TJP1: variants seen among roughly 807,000 people sequenced by gnomAD.
TJP1 encodes tight junction protein 1.
A neutral mutation model predicts 194.2 loss-of-function variants in TJP1; 43 were observed. The ratio of observed to expected loss-of-function variants is 0.22; its 90% CI spans 0.17 to 0.29. The LOEUF (loss-of-function observed/expected upper bound fraction) is 0.29, where lower values mean the gene tolerates loss of function less well. TJP1 is among the 10% of genes least tolerant of loss of function. The pLI, the probability that TJP1 is intolerant of heterozygous loss-of-function variation, is 1.00. For synonymous variants in TJP1, 801 were observed against 779.0 expected (o/e 1.03, Z -0.47); for missense variants, 1,971 against 2,185.7 (o/e 0.90, Z 1.96).
At chr15:29,726,504 T>G (rs2043246700) in intron 17 of TJP1, 25 bp from the exon 18 acceptor site, 6 of 1,608,376 alleles carry the variant, frequency 3.7e-6, no homozygotes, top group Non-Finnish European at 5.1e-6. Flanking sequence ...ACGATGTAGT[T>G]TTATGGTTAG....
At chr15:29,751,415 TGTGTTTG>T in intron 8 of TJP1, among the ~76,000 whole-genome samples, 1 of 152,248 alleles carries the variant, frequency 6.6e-6, no homozygotes, top group Non-Finnish European at 1.5e-5. Flanking sequence ...TTTAGATGTA[TGTGTTTG>T]TGGAGCTTAT....
At chr15:29,768,850 T>C (rs1249230076) in intron 4 of TJP1, among the ~76,000 whole-genome samples, 2 of 152,170 alleles carry the variant, frequency 1.3e-5, no homozygotes, top group Non-Finnish European at 2.9e-5. Context: ...AAAAAATGCC[T>C]ACTTCAAAAT....
At chr15:29,849,138 TGAATAA>T (rs2051535569) in intron 2 of TJP1, among the ~76,000 whole-genome samples, 1 of 152,166 alleles carries the variant, frequency 6.6e-6, no homozygotes, top group Admixed American at 6.5e-5. Flanking sequence ...TAGGTTTTGT[TGAATAA>T]CTAGTAGGCT....
chr15:29,892,889 A>G (rs996243933), intron 2 of TJP1, among the ~76,000 whole-genome samples: 6 of 152,246 alleles, frequency 3.9e-5, no homozygotes, highest in Non-Finnish European at 5.9e-5. Context: ...AGCCCAGCCC[A>G]TAGATTAAGG....
chr15:29,723,670 ATTAT>A, intron 18 of TJP1, among the ~76,000 whole-genome samples: 1 of 152,228 alleles, frequency 6.6e-6, no homozygotes, highest in East Asian at 1.9e-4. Flanking sequence ...TTAAGAAGAA[ATTAT>A]TTATTATTTT....
chr15:29,828,920 G>GT (rs748513736), intron 2 of TJP1, among the ~76,000 whole-genome samples: 8 of 151,870 alleles, frequency 5.3e-5, no homozygotes, highest in Middle Eastern at 3.4e-3. Context: ...TTGTTTGTTT[G>GT]TTTGGTATTT....
intron 1 of TJP1, chr15:29,820,527 C>T: frequency 1.4e-6 from 1 of 716,846 alleles, no homozygotes; most frequent in South Asian, 1.5e-5. Flanking sequence ...CTCCTCCTAC[C>T]TTACTGTGGC....
At chr15:29,767,226 C>G (rs1314700880) in intron 4 of TJP1, among the ~76,000 whole-genome samples, 2 of 152,120 alleles carry the variant, frequency 1.3e-5, no homozygotes, top group Non-Finnish European at 2.9e-5. Flanking sequence ...TCTCTGCAAG[C>G]TGACGATCTA....
At chr15:29,891,046 T>C (rs2053290617) in intron 2 of TJP1, among the ~76,000 whole-genome samples, 1 of 152,336 alleles carries the variant, frequency 6.6e-6, no homozygotes, top group East Asian at 1.9e-4. Flanking sequence ...GCAGCATCTT[T>C]TCCAAAGATA....
At chr15:29,792,026 T>C (rs939380448) in intron 2 of TJP1, among the ~76,000 whole-genome samples, 12 of 152,188 alleles carry the variant, frequency 7.9e-5, no homozygotes, top group Non-Finnish European at 1.5e-4. Flanking sequence ...TTCTGGTTAT[T>C]ATCTCATCAG....
Position 29,942,326 on chromosome 15 carries a change from G to C in TJP1, c.306+13906C>G, listed in dbSNP as rs576610170. ...AGACAAAATACTGAGCTGCAAAACC[G>C]ATCCAGAAAGCCCACTAGGTGGAGA... On this transcript the variant is annotated intron_variant, in intron 2 of 28. Transcript: ENST00000356107. Among the ~76,000 whole-genome samples the C allele has an allele frequency of 2.4e-4, 37 of 152,284 alleles. No homozygotes were observed. The East Asian group carries it at 7.1e-3, about 29-fold the overall frequency.
In TJP1 at chr15:29,733,277, G is replaced by A; in HGVS notation, c.1553C>T (p.Ser518Phe). The change falls in exon 13 of 28, where the codon TCT becomes TTT. Residue 518 changes from serine to phenylalanine, a missense_variant. Ser to Phe is a radical substitution (Grantham distance 155). Transcript: ENST00000614355. ...RRIVESDVGD[S>F]FYIRTHFEYE... ...TTCAAAATGGGTTCTAATATAGAAA[G>A]AATCTCCTACATCTGATTCTACAAT... The A allele has an allele frequency of 6.2e-7, 1 of 1,613,424 alleles. No individual in the cohort carries two copies. Among genetic ancestry groups the A allele is most frequent in the Non-Finnish European group, 8.5e-7 (1 of 1,179,582 alleles).
chr15:29,752,762 G>C (rs954203934), intron 8 of TJP1, among the ~76,000 whole-genome samples: 3 of 152,224 alleles, frequency 2.0e-5, no homozygotes, highest in Non-Finnish European at 4.4e-5. Context: ...AACATTTCAA[G>C]TAATAAACAA....
rs543492301 is a variant in TJP1 at position 29,805,280 on chromosome 15, C to A, written c.28-4578G>T. Among the ~76,000 whole-genome samples the A allele has an allele frequency of 3.9e-4, 59 of 152,342 alleles. 2 individuals carry two copies. In the South Asian group the frequency reaches 0.012, roughly 30 times the overall value. ...TACTCAGATCACCAACTCTGAAGGG[C>A]TTCCTGCCAAAACTTCAGATCCCAG... On this transcript the variant is annotated intron_variant, in intron 1 of 27. Coordinates refer to ENST00000614355, the MANE Select transcript of TJP1 (RefSeq NM_001330239.4).
chr15:29,963,659 A>G (rs1693027967), intron 1 of TJP1, among the ~76,000 whole-genome samples: 1 of 152,172 alleles, frequency 6.6e-6, no homozygotes, highest in South Asian at 2.1e-4. Context: ...CACTGTAAAT[A>G]CTTTTTTCTT....
In TJP1 at chr15:29,801,866, A is replaced by G. The variant is rs1337451592; in HGVS notation, c.28-1164T>C. The stretch of plus-strand genomic sequence containing the variant: ...TGGGCCACACATAAAATACACTAAC[A>G]CTAATGAAAGCTGATGAGCTTAAAA... On this transcript the variant is annotated intron_variant, in intron 1 of 27. Coordinates refer to ENST00000614355, the MANE Select transcript of TJP1 (RefSeq NM_001330239.4). 2.5e-4 allele frequency among the ~76,000 whole-genome samples: 38 copies of G among 151,624 alleles called. 2 individuals carry two copies. Among genetic ancestry groups the G allele is most frequent in the Admixed American group, 2.3e-3 (35 of 15,204 alleles).
intron 8 of TJP1, among the ~76,000 whole-genome samples, chr15:29,743,273 G>A (rs1421175908): frequency 6.6e-6 from 1 of 152,132 alleles, no homozygotes; most frequent in East Asian, 1.9e-4. Context: ...AATAAAGTAC[G>A]TGCAAATAAT....
intron 2 of TJP1, among the ~76,000 whole-genome samples, chr15:29,885,456 G>A (rs762988531): frequency 6.6e-6 from 1 of 152,206 alleles, no homozygotes; most frequent in African/African-American, 2.4e-5. Context: ...TTTGCTCCTC[G>A]CTCCTTTTCC....
intron 1 of TJP1, chr15:29,820,410 T>C (rs1360000818): frequency 4.6e-6 from 3 of 655,968 alleles, no homozygotes; most frequent in Middle Eastern, 3.8e-4. Context: ...ACTTGCCCTT[T>C]ACTCGCAAAT....
Sources: gnomAD v4.1 joint callset for allele counts (sites outside exome capture counted in the v4.1 genomes callset) on GRCh38, gnomAD v4.1.1 for gene constraint, MANE v1.5 for transcripts, NCBI Gene and HGNC (gene_info 2026-07-23, HGNC 2026-07-21) for gene names.